KAT6B: variants seen among roughly 807,000 people sequenced by gnomAD.
The protein encoded by KAT6B is histone acetyltransferase KAT6B.
Under a neutral mutation model 187.5 loss-of-function variants are expected in KAT6B, and 10 were observed. That is an observed-to-expected ratio of 0.05 (90% confidence interval 0.03 to 0.09). KAT6B has a LOEUF of 0.09. Ranked by LOEUF, KAT6B falls within the 10% of genes least tolerant of loss-of-function variation. The pLI is 1.00. For synonymous variants in KAT6B, 861 were observed against 926.8 expected (o/e 0.93, Z 1.29); for missense variants, 1,952 against 2,558.9 (o/e 0.76, Z 5.12).
chr10:74,943,895 T>C (rs1209307721), intron 3 of KAT6B, among the ~76,000 whole-genome samples: 4 of 152,220 alleles, frequency 2.6e-5, no homozygotes, highest in Non-Finnish European at 5.9e-5. Context: ...TTATGTGTTA[T>C]ATACATACAT....
intron 3 of KAT6B, among the ~76,000 whole-genome samples, chr10:74,849,288 C>G (rs1447691929): frequency 7.0e-6 from 1 of 142,244 alleles, no homozygotes; most frequent in Non-Finnish European, 1.5e-5. Context: ...CATGCCTGGC[C>G]TAACTAATGA....
intron 3 of KAT6B, among the ~76,000 whole-genome samples, chr10:74,906,381 T>C (rs964536537): frequency 6.6e-6 from 1 of 152,070 alleles, no homozygotes; most frequent in Admixed American, 6.6e-5. Context: ...GCCTGGGTGA[T>C]AGGGACTCCA....
chr10:74,892,759 A>G (rs1312431176), intron 3 of KAT6B, among the ~76,000 whole-genome samples: 2 of 152,176 alleles, frequency 1.3e-5, no homozygotes. Context: ...GCACAGAGGT[A>G]CCAGCCAGGT....
chr10:74,900,783 C>T (rs1846326422), intron 3 of KAT6B, among the ~76,000 whole-genome samples: 1 of 152,176 alleles, frequency 6.6e-6, no homozygotes, highest in South Asian at 2.1e-4. Flanking sequence ...CATAGTGCTA[C>T]AAAACAGCGT....
chr10:74,900,351 G>T (rs1236557876), intron 3 of KAT6B, among the ~76,000 whole-genome samples: 1 of 152,196 alleles, frequency 6.6e-6, no homozygotes, highest in Non-Finnish European at 1.5e-5. Flanking sequence ...GGTGGATTGG[G>T]CCCAGTTGGC....
intron 1 of KAT6B, among the ~76,000 whole-genome samples, chr10:74,836,208 G>A (rs1387804307): frequency 6.6e-6 from 1 of 152,184 alleles, no homozygotes; most frequent in Non-Finnish European, 1.5e-5. Flanking sequence ...CAGTTTATCT[G>A]TTCATCTGTT....
chr10:75,013,396 T>C (rs1844752052), intron 13 of KAT6B, among the ~76,000 whole-genome samples: 3 of 150,252 alleles, frequency 2.0e-5, no homozygotes, highest in Non-Finnish European at 3.0e-5. Context: ...TCAATTGATA[T>C]CTGGGTGGTT....
intron 3 of KAT6B, among the ~76,000 whole-genome samples, chr10:74,871,292 A>G (rs1383227739): frequency 6.8e-6 from 1 of 147,036 alleles, no homozygotes; most frequent in South Asian, 2.1e-4. Context: ...TTCTGGGTCC[A>G]AGTGATTCTC....
chr10:74,825,897 G>A (rs1245437913), upstream of KAT6B, among the ~76,000 whole-genome samples: 1 of 151,640 alleles, frequency 6.6e-6, no homozygotes, highest in Non-Finnish European at 1.5e-5. The surrounding 1 kb of genome is among the most constrained non-coding windows in gnomAD (Gnocchi z 5.0). Context: ...GCCAGGGGGC[G>A]GGCGAGTAGT....
intron 4 of KAT6B, among the ~76,000 whole-genome samples, chr10:74,968,175 T>C (rs1189533209): frequency 1.3e-5 from 2 of 152,168 alleles, no homozygotes; most frequent in Non-Finnish European, 2.9e-5. Flanking sequence ...AAGCAAGCTG[T>C]CTTTGTTTGC....
chr10:74,876,795 C>T (rs1161972764), intron 3 of KAT6B, among the ~76,000 whole-genome samples: 1 of 151,744 alleles, frequency 6.6e-6, no homozygotes, highest in Non-Finnish European at 1.5e-5. Flanking sequence ...TGCGTGTAGT[C>T]TCAGCTACTC....
At chr10:74,839,141 A>G (rs1346966891) in intron 2 of KAT6B, among the ~76,000 whole-genome samples, 2 of 151,898 alleles carry the variant, frequency 1.3e-5, no homozygotes, top group Admixed American at 6.6e-5. Context: ...CGACAAGAGC[A>G]AGACTCTGTG....
intron 7 of KAT6B, among the ~76,000 whole-genome samples, chr10:74,974,649 G>A (rs1299916521): frequency 6.6e-6 from 1 of 152,194 alleles, no homozygotes; most frequent in Non-Finnish European, 1.5e-5. Flanking sequence ...CTGACGCCAA[G>A]TGTCTGATAA....
intron 3 of KAT6B, among the ~76,000 whole-genome samples, chr10:74,910,167 G>T (rs755681294): frequency 1.3e-5 from 2 of 150,994 alleles, no homozygotes; most frequent in African/African-American, 4.9e-5. Flanking sequence ...GCGTGGTGGC[G>T]CATGCCTGTA....
intron 9 of KAT6B, among the ~76,000 whole-genome samples, chr10:74,977,818 A>G (rs1280411112): frequency 6.6e-6 from 1 of 152,266 alleles, no homozygotes; most frequent in Admixed American, 6.5e-5. Context: ...TGTTTCTTCC[A>G]ACACAGATGG....
At chr10:74,998,470 A>T (rs1057337155) in intron 13 of KAT6B, among the ~76,000 whole-genome samples, 1 of 152,140 alleles carries the variant, frequency 6.6e-6, no homozygotes, top group Non-Finnish European at 1.5e-5. Context: ...ATAGAAGAAA[A>T]TGTCACCCAG....
chr10:74,975,682 C>T lies in KAT6B; in HGVS notation c.1345C>T (p.Arg449Cys). 2.5e-6 allele frequency: 4 copies of T among 1,614,186 alleles called. No homozygotes were observed. The highest frequency in any genetic ancestry group is 2.2e-5 in the East Asian group (1 of 44,884). The change falls in exon 8 of 18, where the codon CGC becomes TGC. Residue 449 changes from arginine (R) to cysteine (C), a missense_variant. Arg to Cys is a radical substitution (Grantham distance 180). This residue lies in a region of KAT6B where 417 missense variants were observed against 508.9 expected (regional missense o/e 0.82). Coordinates refer to ENST00000287239, the MANE Select transcript of KAT6B (RefSeq NM_012330.4). ...GTTTTTTACACCATCACCTGATGGT[C>T]GCAGATCACGAGGTGAAATTATAGA... ...TKFFTPSPDG[R>C]RSRGEIIDFS...
rs184261069 is a variant in KAT6B, at chr10:75,031,500, C to T, written c.*454C>T. The T allele has an allele frequency of 1.3e-4, 38 of 296,790 alleles. No individual in the cohort carries two copies. Among genetic ancestry groups the T allele is most frequent in the Admixed American group, 5.6e-4 (12 of 21,368 alleles). The allele number at this position is 296,790 out of a possible 1,614,324, so 18.4% of individuals were successfully genotyped here. ...TGTTTAAGGTGACACTTCAGCATGC[C>T]GCTAATGTCTTTGTTAGTGACAGTG... On this transcript the variant is annotated 3_prime_UTR_variant, in exon 18 of 18. Transcript: ENST00000287239.
intron 3 of KAT6B, among the ~76,000 whole-genome samples, chr10:74,877,317 G>C (rs1844493645): frequency 6.6e-6 from 1 of 152,188 alleles, no homozygotes; most frequent in Non-Finnish European, 1.5e-5. Context: ...AATCTCAGTT[G>C]AAGCTTGTTA....
Sources: allele counts gnomAD v4.1 joint callset (sites outside exome capture counted in the v4.1 genomes callset), GRCh38; gene constraint gnomAD v4.1.1; regional missense constraint gnomAD v4.1.1; non-coding constraint Gnocchi (gnomAD v3.1); transcripts MANE v1.5; gene names NCBI Gene and HGNC (gene_info 2026-07-23, HGNC 2026-07-21).